The following KCNA4 variants were observed in gnomAD, a reference collection of about 807,000 sequenced individuals.
The protein encoded by KCNA4 is potassium voltage-gated channel subfamily A member 4.
A neutral mutation model predicts 37.2 loss-of-function variants in KCNA4; 5 were observed. The ratio of observed to expected loss-of-function variants is 0.13; its 90% CI spans 0.07 to 0.28. The LOEUF is 0.28. Ranked by LOEUF, KCNA4 falls within the 10% of genes least tolerant of loss-of-function variation. The probability of loss-of-function intolerance (pLI) is 1.00; values close to 1 mark genes in which losing one functional copy is unlikely to be tolerated. For missense variants in KCNA4, 634 were observed against 817.4 expected (o/e 0.78, Z 2.74); for synonymous variants, 350 against 311.8 (o/e 1.12, Z -1.29).
In KCNA4 at chr11:30,012,250, A is replaced by G. The variant is rs1310518601; in HGVS notation, c.429T>C (p.Ser143=). 1 of 1,613,920 alleles carries G rather than the reference A, an allele frequency of 6.2e-7. No individual in the cohort carries two copies. The highest frequency in any genetic ancestry group is 1.7e-5 in the Admixed American group (1 of 60,014). Residue 143 remains serine (S), a synonymous_variant, in exon 2 of 2, where the codon AGT becomes AGC. Coordinates refer to ENST00000328224, the MANE Select transcript of KCNA4 (RefSeq NM_002233.4). ...AACACTCATCACCATGGTCATCTTCACTATAGTAAAACCTTCCCTCCTCTT... is the reference window on the plus strand; with the variant it reads ...AACACTCATCACCATGGTCATCTTCGCTATAGTAAAACCTTCCCTCCTCTT... ...EEEEEGRFYY[S]EDDHGDECSY... is the part of the protein sequence containing the mutation.
Position 30,010,504 on chromosome 11 carries a change from T to G in KCNA4, c.*213A>C. ...TTGCATTCTAATAAAAATATAAAGATAGATTTGCTCCTATTCCTCCCTCTT... is the reference window on the plus strand; with the variant it reads ...TTGCATTCTAATAAAAATATAAAGAGAGATTTGCTCCTATTCCTCCCTCTT... On this transcript the variant is annotated 3_prime_UTR_variant, in exon 2 of 2. Coordinates refer to ENST00000328224, the MANE Select transcript of KCNA4 (RefSeq NM_002233.4). 2.8e-6 allele frequency: 2 copies of G among 726,494 alleles called. No homozygotes were observed. The highest frequency in any genetic ancestry group is 4.1e-6 in the Non-Finnish European group (2 of 488,046). 45.0% of individuals were successfully genotyped at this position (726,494 alleles called of 1,614,324 possible).
intron 1 of KCNA4, among the ~76,000 whole-genome samples, chr11:30,015,489 G>T (rs1850342746): frequency 6.6e-6 from 1 of 151,818 alleles, no homozygotes; most frequent in South Asian, 2.1e-4. Flanking sequence ...CTCTTCGGGA[G>T]TTCTAGAACT....
Position 30,016,873 on chromosome 11 carries a change from G to T in KCNA4, c.-1084C>A. ...TCTGGAGTTCAGCACAGGAGGGATT[G>T]CCTGGGAAAGGAAGTCAAGGTTCCC... On this transcript the variant is annotated 5_prime_UTR_variant, in exon 1 of 2. Coordinates refer to ENST00000328224, the MANE Select transcript of KCNA4 (RefSeq NM_002233.4). 1 of 398,530 alleles carries T rather than the reference G, an allele frequency of 2.5e-6. No individual in the cohort carries two copies. Among genetic ancestry groups the T allele is most frequent in the East Asian group, 3.6e-5 (1 of 28,046 alleles). 24.7% of individuals were successfully genotyped at this position (398,530 alleles called of 1,614,324 possible).
At chr11:30,014,751 T>C (rs1337583150) in intron 1 of KCNA4, among the ~76,000 whole-genome samples, 1 of 152,062 alleles carries the variant, frequency 6.6e-6, no homozygotes, top group Non-Finnish European at 1.5e-5. Flanking sequence ...AAAGCCCCCA[T>C]CCAAATCTCC....
In KCNA4 at chr11:30,011,346, T is replaced by C; in HGVS notation, c.1333A>G (p.Ile445Val). 6.2e-7 allele frequency: 1 copy of C among 1,614,128 alleles called. No homozygotes were observed. The highest frequency in any genetic ancestry group is 8.5e-7 in the Non-Finnish European group (1 of 1,180,034). ...CGGAATACTCGGACCAGACGAATGA[T>C]TCTGAGGATGGCAAAGGACATGGCC... ...QQAMSFAILR[I>V]IRLVRVFRIF... is the part of the protein sequence containing the mutation. The change falls in exon 2 of 2, where the codon ATC becomes GTC. Residue 445 changes from isoleucine to valine, a missense_variant. This residue lies in a region of KCNA4 where 252 missense variants were observed against 344.2 expected (regional missense o/e 0.73). Transcript: ENST00000328224. This position sits in a 1 kb window ranked among gnomAD's most constrained non-coding sequence, Gnocchi z 5.6.
chr11:30,012,419 C>G lies in KCNA4; in HGVS notation c.260G>C (p.Arg87Pro). The G allele has an allele frequency of 6.2e-7, 1 of 1,613,820 alleles. No individual in the cohort carries two copies. The highest frequency in any genetic ancestry group is 8.5e-7 in the Non-Finnish European group (1 of 1,180,024). Residue 87 changes from arginine (R) to proline (P), a missense_variant, in exon 2 of 2, where the codon CGA (arginine) becomes CCA (proline). Coordinates refer to ENST00000328224, the MANE Select transcript of KCNA4 (RefSeq NM_002233.4). ...QSSRGSRRRRRQRSEKKKAHY... is the reference protein window; with the variant it reads ...QSSRGSRRRRPQRSEKKKAHY... ...GGCTTTCTTCTTCTCAGACCGCTGT[C>G]GCCTCCTCCTCCGACTACCCCGGCT...
Position 30,012,122 on chromosome 11 carries a change from C to T in KCNA4, c.557G>A (p.Arg186His), listed in dbSNP as rs1210786614. 3 of 1,614,152 alleles carry T rather than the reference C, an allele frequency of 1.9e-6. No homozygotes were observed. The highest frequency in any genetic ancestry group is 2.2e-5 in the East Asian group (1 of 44,866). The change falls in exon 2 of 2, where the codon CGC (arginine) becomes CAC (histidine). Residue 186 changes from arginine to histidine, a missense_variant. Transcript: ENST00000328224. ...ERVVINVSGL[R>H]FETQMKTLAQ... Reference sequence around the variant, plus strand: ...CAGAGTTTTCATTTGGGTCTCAAAGCGTAGGCCTGACACATTTATCACCAC... The same window carrying T: ...CAGAGTTTTCATTTGGGTCTCAAAGTGTAGGCCTGACACATTTATCACCAC...
At chr11:30,014,784 G>A (rs1039814357) in intron 1 of KCNA4, among the ~76,000 whole-genome samples, 26 of 152,022 alleles carry the variant, frequency 1.7e-4, no homozygotes, top group Non-Finnish European at 3.5e-4. Context: ...ATTTTTCCAT[G>A]TACTCTGTTC....
chr11:30,010,644 T>C lies in KCNA4; in HGVS notation c.*73A>G. 6.5e-7 allele frequency: 1 copy of C among 1,526,798 alleles called. No homozygotes were observed. The highest frequency in any genetic ancestry group is 8.8e-7 in the Non-Finnish European group (1 of 1,140,440). The allele number at this position is 1,526,798 out of a possible 1,614,324, so 94.6% of individuals were successfully genotyped here. A position where few individuals can be genotyped will look rare whatever the true frequency, so the allele number is the denominator to read the frequency against. On this transcript the variant is annotated 3_prime_UTR_variant, in exon 2 of 2. Coordinates refer to ENST00000328224, the MANE Select transcript of KCNA4 (RefSeq NM_002233.4). ...ATTGGATCATTTGCATATTTCATTT[T>C]CATAACTGCACTCTCTATGCATAAA...
intron 1 of KCNA4, among the ~76,000 whole-genome samples, chr11:30,013,938 GA>G (rs945544902): frequency 8.1e-4 from 122 of 150,822 alleles, no homozygotes; most frequent in African/African-American, 2.6e-3. Context: ...GGGGAAGTCA[GA>G]AAAAAAAATA....
rs559363452 is a variant in KCNA4 at position 30,010,298 on chromosome 11, G to T, written c.*419C>A. 72 of 167,020 alleles carry T rather than the reference G, an allele frequency of 4.3e-4. No homozygotes were observed. The highest frequency in any genetic ancestry group is 2.1e-3 in the East Asian group (12 of 5,680). The allele number at this position is 167,020 out of a possible 1,614,324, so 10.3% of individuals were successfully genotyped here. The stretch of plus-strand genomic sequence containing the variant: ...ATATGCTGTTAAAGCACTGATAAAT[G>T]ACTGCTCAGATTCATTAGTTCTTAC... On this transcript the variant is annotated 3_prime_UTR_variant, in exon 2 of 2. Coordinates refer to ENST00000328224, the MANE Select transcript of KCNA4 (RefSeq NM_002233.4).
chr11:30,016,534 C>CAAAAAAAA (rs139673634), intron 1 of KCNA4, 38 bp downstream of exon 1: 7 of 62,326 alleles, frequency 1.1e-4, no homozygotes, highest in Non-Finnish European at 1.7e-4. Context: ...AGGAAAGATA[C>CAAAAAAAA]AAAAAAAAAA....
In KCNA4 at chr11:30,012,228, A is replaced by G. The variant is rs753388893; in HGVS notation, c.451T>C (p.Cys151Arg). 5.6e-6 allele frequency: 9 copies of G among 1,613,820 alleles called. No homozygotes were observed. The highest frequency in any genetic ancestry group is 6.8e-6 in the Non-Finnish European group (8 of 1,179,992). Reference protein sequence around the residue: ...YYSEDDHGDECSYTDLLPQDE... With the variant: ...YYSEDDHGDERSYTDLLPQDE... ...TGAGGCAGCAGATCCGTGTAGGAAC[A>G]CTCATCACCATGGTCATCTTCACTA... is the stretch of plus-strand genomic sequence containing the variant. The change falls in exon 2 of 2, where the codon TGT becomes CGT. Residue 151 changes from cysteine (C) to arginine (R), a missense_variant. Cys to Arg is a radical substitution (Grantham distance 180). Around this residue, in one of 8 missense-constraint regions of KCNA4, gnomAD observed 236 missense variants for 229.5 expected, o/e 1.03. Transcript: ENST00000328224.
chr11:30,012,432 G>T lies in KCNA4; in HGVS notation c.247C>A (p.Arg83=), dbSNP rs772880533. ...TCAGACCGCTGTCGCCTCCTCCTCC[G>T]ACTACCCCGGCTGCTCTGAGGGTCA... The part of the protein sequence containing the change: ...SHDPQSSRGS[R]RRRRQRSEKK... Residue 83 remains arginine (R), a synonymous_variant, in exon 2 of 2, where the codon CGG becomes AGG. Transcript: ENST00000328224. 2 of 1,613,464 alleles carry T rather than the reference G, an allele frequency of 1.2e-6. No individual in the cohort carries two copies. The highest frequency in any genetic ancestry group is 8.5e-7 in the Non-Finnish European group (1 of 1,179,998).
chr11:30,012,287 T>A lies in KCNA4; in HGVS notation c.392A>T (p.Glu131Val). ...LSEEEEDEEEEEEEEEEGRFY... is the reference protein window; with the variant it reads ...LSEEEEDEEEVEEEEEEGRFY... ...CCTTCCCTCCTCTTCCTCCTCTTCC[T>A]CCTCCTCCTCATCTTCCTCCTCCTC... Residue 131 changes from glutamate to valine, a missense_variant, in exon 2 of 2, where the codon GAG becomes GTG. Glu to Val is a moderately radical substitution (Grantham distance 121). Transcript: ENST00000328224. 1 of 1,613,944 alleles carries A rather than the reference T, an allele frequency of 6.2e-7. No homozygotes were observed.
At position 30,011,330 on chromosome 11, in the gene KCNA4, C is replaced by T. The variant is rs1422415825; in HGVS notation, c.1349G>A (p.Arg450Gln). The T allele has an allele frequency of 3.1e-6, 5 of 1,614,156 alleles. No individual in the cohort carries two copies. Among genetic ancestry groups the T allele is most frequent in the Admixed American group, 1.7e-5 (1 of 60,030 alleles). The change falls in exon 2 of 2, where the codon CGA (arginine) becomes CAA (glutamine). Residue 450 changes from arginine (R) to glutamine (Q), a missense_variant. Around this residue, in one of 8 missense-constraint regions of KCNA4, gnomAD observed 252 missense variants for 344.2 expected, o/e 0.73. Transcript: ENST00000328224. This position sits in a 1 kb window ranked among gnomAD's most constrained non-coding sequence, Gnocchi z 5.6. ...GGAGAGTTTGAAGATCCGGAATACTCGGACCAGACGAATGATTCTGAGGAT... is the reference window on the plus strand; with the variant it reads ...GGAGAGTTTGAAGATCCGGAATACTTGGACCAGACGAATGATTCTGAGGAT... ...FAILRIIRLV[R>Q]VFRIFKLSRH...
rs892368396 is a variant in KCNA4 at position 30,011,104 on chromosome 11, C to T, written c.1575G>A (p.Val525=). ...TGATGGGCTTCATGTCCCCATAGCC[C>T]ACAGTTGTCATGGTCACCACAGCCC... is the stretch of plus-strand genomic sequence containing the variant. The part of the protein sequence containing the change: ...FWWAVVTMTT[V]GYGDMKPITV... Residue 525 remains valine (V), a synonymous_variant, in exon 2 of 2, where the codon GTG becomes GTA. Transcript: ENST00000328224. The surrounding 1 kb of genome is among the most constrained non-coding windows in gnomAD (Gnocchi z 5.6). 6.2e-7 allele frequency: 1 copy of T among 1,614,172 alleles called. No homozygotes were observed. Among genetic ancestry groups the T allele is most frequent in the Non-Finnish European group, 8.5e-7 (1 of 1,180,038 alleles).
chr11:30,009,984 T>C lies in KCNA4; in HGVS notation c.*733A>G, dbSNP rs956378688. 2.0e-5 allele frequency: 3 copies of C among 151,984 alleles called. No individual in the cohort carries two copies. Among genetic ancestry groups the C allele is most frequent in the Non-Finnish European group, 4.4e-5 (3 of 67,954 alleles). The allele number at this position is 151,984 out of a possible 1,614,324, so 9.4% of individuals were successfully genotyped here. ...ATAAAGTAGTGCAAAGAAAAAAAAA[T>C]CCAGTCCTGTTACCTGCAAACAAAA... On this transcript the variant is annotated 3_prime_UTR_variant, in exon 2 of 2. Transcript: ENST00000328224.
At position 30,010,970 on chromosome 11, in the gene KCNA4, T is replaced by A; in HGVS notation, c.1709A>T (p.Glu570Val). 4 of 1,614,170 alleles carry A rather than the reference T, an allele frequency of 2.5e-6. No individual in the cohort carries two copies. The highest frequency in any genetic ancestry group is 1.7e-6 in the Non-Finnish European group (2 of 1,180,032). Reference sequence around the variant, plus strand: ...CTGTGTCTGTTCCTCATTTTCAGTCTCTCTGTGGTAGAAATAGTTAAAGTT... The same window carrying A: ...CTGTGTCTGTTCCTCATTTTCAGTCACTCTGTGGTAGAAATAGTTAAAGTT... ...VSNFNYFYHR[E>V]TENEEQTQLT... Residue 570 changes from glutamate to valine, a missense_variant, in exon 2 of 2, where the codon GAG (glutamate) becomes GTG (valine). Around this residue, in one of 8 missense-constraint regions of KCNA4, gnomAD observed 91 missense variants for 95.8 expected, o/e 0.95. Coordinates refer to ENST00000328224, the MANE Select transcript of KCNA4 (RefSeq NM_002233.4).
Sources: allele counts gnomAD v4.1 joint callset (sites outside exome capture counted in the v4.1 genomes callset), GRCh38; gene constraint gnomAD v4.1.1; regional missense constraint gnomAD v4.1.1; non-coding constraint Gnocchi (gnomAD v3.1); transcripts MANE v1.5; gene names NCBI Gene and HGNC (gene_info 2026-07-23, HGNC 2026-07-21).